The following TRPC4 variants were observed in gnomAD, a reference collection of about 807,000 sequenced individuals.
The protein encoded by TRPC4 is transient receptor potential cation channel subfamily C member 4, also known as short transient receptor potential channel 4.
A neutral mutation model predicts 99.4 loss-of-function variants in TRPC4; 49 were observed. The ratio of observed to expected loss-of-function variants is 0.49; its 90% confidence interval spans 0.39 to 0.63. The LOEUF (loss-of-function observed/expected upper bound fraction) is 0.63. TRPC4 is among the 20% of genes least tolerant of loss of function. The probability of loss-of-function intolerance (pLI) is 0.00; values close to 1 mark genes in which losing one functional copy is unlikely to be tolerated. For synonymous variants in TRPC4, 454 were observed against 425.9 expected (o/e 1.07, Z -0.81); for missense variants, 898 against 1,152.9 (o/e 0.78, Z 3.20).
chr13:37,642,987 C>A (rs1951772100), intron 8 of TRPC4, among the ~76,000 whole-genome samples: 1 of 152,134 alleles, frequency 6.6e-6, no homozygotes, highest in African/African-American at 2.4e-5. Context: ...GCCTCAATCT[C>A]CCAAAGTGCT....
chr13:37,861,975 A>T (rs1254527756), intron 1 of TRPC4, among the ~76,000 whole-genome samples: 1 of 151,448 alleles, frequency 6.6e-6, no homozygotes, highest in Non-Finnish European at 1.5e-5. Flanking sequence ...TTTAAAAAGG[A>T]GGAATGTATC....
intron 10 of TRPC4, among the ~76,000 whole-genome samples, chr13:37,638,228 T>C (rs1951596355): frequency 1.1e-4 from 1 of 9,072 alleles, no homozygotes; most frequent in Admixed American, 1.9e-3. Flanking sequence ...ATGGCAACCT[T>C]CTTGGTGGCT....
intron 1 of TRPC4, among the ~76,000 whole-genome samples, chr13:37,838,127 C>A (rs1270782441): frequency 6.6e-6 from 1 of 152,162 alleles, no homozygotes; most frequent in Non-Finnish European, 1.5e-5. Context: ...GTAAATTGCC[C>A]AGTCTCAGAT....
At chr13:37,665,840 C>CA (rs1168472231) in intron 5 of TRPC4, among the ~76,000 whole-genome samples, 13,450 of 71,028 alleles carry the variant, frequency 0.19, 1,103 homozygotes, top group Non-Finnish European at 0.21. Context: ...TCAGCTGAGA[C>CA]AAAAAAAAAA....
intron 5 of TRPC4, among the ~76,000 whole-genome samples, chr13:37,672,321 A>G (rs1952878172): frequency 6.6e-6 from 1 of 152,214 alleles, no homozygotes; most frequent in Non-Finnish European, 1.5e-5. Flanking sequence ...GTATAACAGC[A>G]GTTTCTTTGG....
intron 1 of TRPC4, among the ~76,000 whole-genome samples, chr13:37,861,299 T>C (rs2139718514): frequency 6.6e-6 from 1 of 151,718 alleles, no homozygotes; most frequent in East Asian, 1.9e-4. Context: ...ATGTTTAATT[T>C]AAAAACAGAT....
intron 2 of TRPC4, among the ~76,000 whole-genome samples, chr13:37,774,831 T>C (rs1310887820): frequency 6.6e-6 from 1 of 151,802 alleles, no homozygotes; most frequent in African/African-American, 2.4e-5. Context: ...AAGGGTATGT[T>C]GAAAACAGTT....
intron 1 of TRPC4, among the ~76,000 whole-genome samples, chr13:37,801,581 G>A (rs879343947): frequency 6.6e-6 from 1 of 152,028 alleles, no homozygotes; most frequent in Non-Finnish European, 1.5e-5. Flanking sequence ...ACTTAAAACA[G>A]AATAATTAGT....
intron 3 of TRPC4, among the ~76,000 whole-genome samples, chr13:37,711,516 G>A (rs1366654277): frequency 1.3e-5 from 2 of 151,726 alleles, no homozygotes; most frequent in African/African-American, 2.4e-5. Context: ...TATTCCCTGT[G>A]CTCCCAGAAT....
chr13:37,816,164 G>T lies in TRPC4; in HGVS notation c.-27-32804C>A, dbSNP rs145641425. Among the ~76,000 whole-genome samples the T allele has an allele frequency of 1.1e-4, 17 of 151,644 alleles. No homozygotes were observed. In the East Asian group the frequency reaches 3.3e-3, roughly 29 times the overall value. On this transcript the variant is annotated intron_variant, in intron 1 of 10. Coordinates refer to ENST00000379705, the MANE Select transcript of TRPC4 (RefSeq NM_016179.4). ...CACATCAAAACGTTAGAAATATGTC[G>T]AATTCATGGAAGGGCATTATATAAT...
intron 3 of TRPC4, among the ~76,000 whole-genome samples, chr13:37,726,662 T>C (rs1419558144): frequency 1.3e-5 from 2 of 152,134 alleles, no homozygotes; most frequent in South Asian, 2.1e-4. Context: ...CGGACAGGAA[T>C]TGACGGAATG....
chr13:37,725,629 TG>T (rs1955027420), intron 3 of TRPC4, among the ~76,000 whole-genome samples: 1 of 152,130 alleles, frequency 6.6e-6, no homozygotes, highest in Admixed American at 6.5e-5. Context: ...AAAGAAATTC[TG>T]GAGCTGAAAT....
At chr13:37,707,771 T>TC (rs1457945199) in intron 3 of TRPC4, among the ~76,000 whole-genome samples, 1 of 152,136 alleles carries the variant, frequency 6.6e-6, no homozygotes, top group African/African-American at 2.4e-5. Flanking sequence ...AGACTATGCT[T>TC]CTAGAACTCC....
intron 6 of TRPC4, among the ~76,000 whole-genome samples, chr13:37,658,857 T>C (rs1327651868): frequency 1.3e-5 from 2 of 151,992 alleles, no homozygotes; most frequent in Non-Finnish European, 2.9e-5. Context: ...AAGACATGGA[T>C]CACAGCCTGA....
At chr13:37,790,841 A>C (rs1407304141) in intron 1 of TRPC4, among the ~76,000 whole-genome samples, 1 of 152,022 alleles carries the variant, frequency 6.6e-6, no homozygotes, top group African/African-American at 2.4e-5. Flanking sequence ...CTTTAGTAGG[A>C]GTTTGTATGG....
intron 1 of TRPC4, among the ~76,000 whole-genome samples, chr13:37,828,745 T>C (rs956580355): frequency 1.3e-5 from 2 of 152,156 alleles, no homozygotes; most frequent in Non-Finnish European, 2.9e-5. Flanking sequence ...GAAAACCAAA[T>C]ACCACATCTT....
chr13:37,861,189 A>C (rs1228061819), intron 1 of TRPC4, among the ~76,000 whole-genome samples: 1 of 151,558 alleles, frequency 6.6e-6, no homozygotes, highest in Non-Finnish European at 1.5e-5. Flanking sequence ...AGTTATTCAA[A>C]AATTGATCAT....
At chr13:37,862,577 C>T (rs554299221) in intron 1 of TRPC4, among the ~76,000 whole-genome samples, 1 of 151,610 alleles carries the variant, frequency 6.6e-6, no homozygotes, top group South Asian at 2.1e-4. Context: ...ATAGACTCTA[C>T]TCATTGTAAT....
intron 1 of TRPC4, among the ~76,000 whole-genome samples, chr13:37,831,263 T>C (rs944907896): frequency 2.0e-5 from 3 of 152,126 alleles, no homozygotes; most frequent in African/African-American, 7.2e-5. Flanking sequence ...GACATACAAA[T>C]AAACAGTAGA....
Sources: gnomAD v4.1 joint callset for allele counts (sites outside exome capture counted in the v4.1 genomes callset) on GRCh38, gnomAD v4.1.1 for gene constraint, MANE v1.5 for transcripts, NCBI Gene and HGNC (gene_info 2026-07-23, HGNC 2026-07-21) for gene names.